The following BCL2L1 variants were observed in gnomAD, a reference collection of about 807,000 sequenced individuals.
BCL2L1 encodes bcl-2-like protein 1.
Under a neutral mutation model 18.7 loss-of-function variants are expected in BCL2L1, and 1 was observed. The observed-to-expected ratio is 0.05, with a 90% CI of 0.02 to 0.25. The LOEUF is 0.25. BCL2L1 is among the 10% of genes least tolerant of loss of function. The probability of loss-of-function intolerance (pLI) is 1.00; values close to 1 mark genes in which losing one functional copy is unlikely to be tolerated. For synonymous variants in BCL2L1, 103 were observed against 122.7 expected (o/e 0.84, Z 1.06); for missense variants, 207 against 304.9 (o/e 0.68, Z 2.39).
intron 2 of BCL2L1, among the ~76,000 whole-genome samples, chr20:31,691,333 T>G (rs1434711408): frequency 6.6e-6 from 1 of 150,806 alleles, no homozygotes; most frequent in African/African-American, 2.4e-5. Context: ...GGCCAACATG[T>G]TGAAACTCCG....
intron 2 of BCL2L1, among the ~76,000 whole-genome samples, chr20:31,678,728 T>C (rs551718788): frequency 6.6e-6 from 1 of 152,290 alleles, no homozygotes; most frequent in Non-Finnish European, 1.5e-5. Flanking sequence ...CTTTCCACGC[T>C]CTAGCTCCTG....
intron 2 of BCL2L1, among the ~76,000 whole-genome samples, chr20:31,697,920 C>CTTTTTTTTTTTTTTTTTTTTTTT: frequency 1.6e-5 from 1 of 62,618 alleles, no homozygotes; most frequent in African/African-American, 2.5e-4. Context: ...CGGAGTCTCG[C>CTTTTTTTTTTTTTTTTTTTTTTT]TTTGTTGCCC....
chr20:31,684,095 C>T (rs2060914403), intron 2 of BCL2L1, among the ~76,000 whole-genome samples: 1 of 152,136 alleles, frequency 6.6e-6, no homozygotes, highest in African/African-American at 2.4e-5. Flanking sequence ...AGCCAGCTGA[C>T]CGGAAGCCAG....
At chr20:31,677,532 A>G (rs1461990163) in intron 2 of BCL2L1, among the ~76,000 whole-genome samples, 2 of 152,202 alleles carry the variant, frequency 1.3e-5, no homozygotes, top group Non-Finnish European at 2.9e-5. Flanking sequence ...AAATTAATAC[A>G]TGTAAAGGTC....
intron 2 of BCL2L1, among the ~76,000 whole-genome samples, chr20:31,675,293 T>C (rs374044763): frequency 6.6e-6 from 1 of 152,218 alleles, no homozygotes; most frequent in African/African-American, 2.4e-5. Context: ...TGTTCTGTCC[T>C]TCTCACATCC....
chr20:31,694,015 AC>A (rs1347379778), intron 2 of BCL2L1, among the ~76,000 whole-genome samples: 4 of 152,294 alleles, frequency 2.6e-5, no homozygotes, highest in African/African-American at 7.2e-5. Context: ...AACTAACTCA[AC>A]ATATGCAGTG....
chr20:31,722,645 G>C lies in BCL2L1; in HGVS notation c.-158C>G, dbSNP rs1266664230. ...TCAAATCCGCCTTAGGCAAAGGCAG[G>C]CAGGTGCAGCCCCCGGAAGATCTTT... On this transcript the variant is annotated 5_prime_UTR_variant, in exon 1 of 3. Coordinates refer to ENST00000307677, the MANE Select transcript of BCL2L1 (RefSeq NM_138578.3). 1 of 153,864 alleles carries C rather than the reference G, an allele frequency of 6.5e-6. No individual in the cohort carries two copies. The highest frequency in any genetic ancestry group is 6.5e-5 in the Admixed American group (1 of 15,302). The allele number at this position is 153,864 out of a possible 1,614,324, so 9.5% of individuals were successfully genotyped here. A position where few individuals can be genotyped will look rare whatever the true frequency, so the allele number is the denominator to read the frequency against.
intron 2 of BCL2L1, among the ~76,000 whole-genome samples, chr20:31,709,366 T>C (rs2061416987): frequency 6.6e-6 from 1 of 151,998 alleles, no homozygotes; most frequent in Non-Finnish European, 1.5e-5. Flanking sequence ...CTGATCTTTT[T>C]GGTGTGTGTG....
chr20:31,703,542 C>T (rs1267200573), intron 2 of BCL2L1, among the ~76,000 whole-genome samples: 8 of 141,768 alleles, frequency 5.6e-5, no homozygotes, highest in Non-Finnish European at 9.3e-5. Context: ...CCCAGGCTGG[C>T]GTGCAGTGGT....
At chr20:31,687,512 A>G (rs1357747551) in intron 2 of BCL2L1, among the ~76,000 whole-genome samples, 1 of 151,632 alleles carries the variant, frequency 6.6e-6, no homozygotes, top group Admixed American at 6.6e-5. Flanking sequence ...CTTCTCTACT[A>G]AAAATACAAA....
chr20:31,665,851 T>A lies in BCL2L1; in HGVS notation c.*98A>T. The A allele has an allele frequency of 1.3e-6, 2 of 1,499,496 alleles. No individual in the cohort carries two copies. The highest frequency in any genetic ancestry group is 9.1e-7 in the Non-Finnish European group (1 of 1,099,740). The allele number at this position is 1,499,496 out of a possible 1,614,324, so 92.9% of individuals were successfully genotyped here. ...CTGTGATGGGCAGGTGGGCATGGGC[T>A]GCATGTAGTGGTTCTCCTGGTGGCA... On this transcript the variant is annotated 3_prime_UTR_variant, in exon 3 of 3. Transcript: ENST00000307677.
upstream of BCL2L1, chr20:31,723,120 G>GA (rs2061664511): frequency 5.0e-6 from 1 of 198,488 alleles, no homozygotes; most frequent in Non-Finnish European, 9.1e-6. Context: ...CAGGGAGGGG[G>GA]AAACTGCCTC....
chr20:31,702,372 C>T (rs2061290204), intron 2 of BCL2L1, among the ~76,000 whole-genome samples: 1 of 152,108 alleles, frequency 6.6e-6, no homozygotes, highest in Non-Finnish European at 1.5e-5. Flanking sequence ...GTGGATCACA[C>T]CTGTAATCCC....
At chr20:31,707,321 A>G (rs1161654827) in intron 2 of BCL2L1, among the ~76,000 whole-genome samples, 4 of 152,256 alleles carry the variant, frequency 2.6e-5, no homozygotes, top group Admixed American at 6.5e-5. Context: ...CCTGGAGAGT[A>G]GATCCAATAG....
chr20:31,680,380 C>G (rs1044614791), intron 2 of BCL2L1, among the ~76,000 whole-genome samples: 1 of 152,166 alleles, frequency 6.6e-6, no homozygotes, highest in African/African-American at 2.4e-5. Context: ...AGTAGCATTC[C>G]CCCCTGGTTC....
At chr20:31,689,831 CA>C (rs2061030101) in intron 2 of BCL2L1, among the ~76,000 whole-genome samples, 2 of 152,176 alleles carry the variant, frequency 1.3e-5, no homozygotes, top group Admixed American at 1.3e-4. Context: ...CCCTGACCAA[CA>C]TGGAGAAATC....
At chr20:31,680,995 G>A (rs183921903) in intron 2 of BCL2L1, among the ~76,000 whole-genome samples, 362 of 152,370 alleles carry the variant, frequency 2.4e-3, no homozygotes, top group Non-Finnish European at 4.1e-3. Flanking sequence ...GGGAACAAGT[G>A]CAAAGGCCCA....
intron 2 of BCL2L1, among the ~76,000 whole-genome samples, chr20:31,678,746 G>A (rs989288609): frequency 2.6e-5 from 4 of 152,120 alleles, no homozygotes; most frequent in African/African-American, 4.8e-5. Flanking sequence ...CTGTGGCCTC[G>A]ACCTCTTCAC....
Position 31,679,900 on chromosome 20 carries a change from C to T in BCL2L1, c.565-13814G>A, listed in dbSNP as rs6142460. 4.9e-4 allele frequency among the ~76,000 whole-genome samples: 74 copies of T among 152,274 alleles called. No homozygotes were observed. The East Asian group carries it at 0.014, about 29-fold the overall frequency. ...TTCGCTATGTTGGCCAGGCTGGTCT[C>T]GTACTCCTGGCCTCAAGTGATCTGC... is the stretch of plus-strand genomic sequence containing the variant. On this transcript the variant is annotated intron_variant, in intron 2 of 2. Coordinates refer to ENST00000307677, the MANE Select transcript of BCL2L1 (RefSeq NM_138578.3).
Sources: allele counts gnomAD v4.1 joint callset (sites outside exome capture counted in the v4.1 genomes callset), GRCh38; gene constraint gnomAD v4.1.1; transcripts MANE v1.5; gene names NCBI Gene and HGNC (gene_info 2026-07-23, HGNC 2026-07-21).